The following NKAIN2 variants were observed in gnomAD, a reference collection of about 807,000 sequenced individuals.
NKAIN2 encodes sodium/potassium transporting ATPase interacting 2, also known as sodium/potassium-transporting ATPase subunit beta-1-interacting protein 2.
A neutral mutation model predicts 32.6 loss-of-function variants in NKAIN2; 14 were observed. The ratio of observed to expected loss-of-function variants is 0.43; its 90% confidence interval spans 0.28 to 0.67. The LOEUF is 0.67. Among genes scored for constraint, NKAIN2 ranks in the 30% least tolerant of loss-of-function variants. The pLI is 0.17. For missense variants in NKAIN2, 198 were observed against 258.3 expected, an observed-to-expected ratio of 0.77 and a Z score of 1.60; for synonymous variants, 80 against 87.2, an observed-to-expected ratio of 0.92 and a Z score of 0.46.
chr6:124,713,950 G>C (rs186926387), intron 4 of NKAIN2, among the ~76,000 whole-genome samples: 2 of 152,224 alleles, frequency 1.3e-5, no homozygotes, highest in Admixed American at 1.3e-4. Context: ...AAGTTTATTT[G>C]CTCATCTAGC....
chr6:124,249,046 CAATA>C (rs1346420539), intron 1 of NKAIN2, among the ~76,000 whole-genome samples: 1 of 152,012 alleles, frequency 6.6e-6, no homozygotes, highest in Non-Finnish European at 1.5e-5. Flanking sequence ...TATTAAATCT[CAATA>C]AATAGTGAAG....
intron 4 of NKAIN2, among the ~76,000 whole-genome samples, chr6:124,709,408 G>A (rs1175668690): frequency 4.0e-5 from 6 of 151,346 alleles, no homozygotes; most frequent in Non-Finnish European, 7.4e-5. Context: ...AGTTTCAGAA[G>A]GAATGGTACC....
chr6:124,022,590 T>C (rs1316722194), intron 1 of NKAIN2, among the ~76,000 whole-genome samples: 1 of 152,192 alleles, frequency 6.6e-6, no homozygotes, highest in East Asian at 1.9e-4. Context: ...CCAGACAATT[T>C]TAACCATTTA....
intron 2 of NKAIN2, among the ~76,000 whole-genome samples, chr6:124,293,749 G>C (rs1422118128): frequency 1.3e-5 from 2 of 152,032 alleles, no homozygotes; most frequent in Non-Finnish European, 2.9e-5. Context: ...TACTGGGTTG[G>C]TCTTTTTTCT....
chr6:124,751,623 G>A (rs1369492372), intron 4 of NKAIN2, among the ~76,000 whole-genome samples: 4 of 151,920 alleles, frequency 2.6e-5, no homozygotes, highest in South Asian at 2.1e-4. Flanking sequence ...GAACTAGCCC[G>A]TGGCTGTAGT....
At chr6:124,024,756 A>T (rs988406125) in intron 1 of NKAIN2, among the ~76,000 whole-genome samples, 20 of 152,024 alleles carry the variant, frequency 1.3e-4, no homozygotes, top group African/African-American at 3.4e-4. Context: ...TGGGAGGCGG[A>T]AGTGGGTGGA....
intron 4 of NKAIN2, among the ~76,000 whole-genome samples, chr6:124,724,873 G>A (rs74622660): frequency 0.036 from 5,531 of 152,202 alleles, 135 homozygotes; most frequent in Non-Finnish European, 0.055. Flanking sequence ...CTTGGCCTTA[G>A]TTTTCTTTTT....
rs117051892 is a variant in NKAIN2, at chr6:123,807,847, G to T, written c.54+3593G>T. 2.6e-4 allele frequency among the ~76,000 whole-genome samples: 40 copies of T among 152,222 alleles called. No homozygotes were observed. In the East Asian group the frequency reaches 6.8e-3, roughly 26 times the overall value. On this transcript the variant is annotated intron_variant, in intron 1 of 6. Transcript: ENST00000368417. ...AAAAATGCCACTATTGCCATGGGCT[G>T]TATGAAATATTGTTAACTTGGAGCA...
chr6:124,797,731 T>C (rs1267784526), intron 5 of NKAIN2, among the ~76,000 whole-genome samples: 1 of 152,178 alleles, frequency 6.6e-6, no homozygotes, highest in Non-Finnish European at 1.5e-5. Flanking sequence ...TTTTTATCAT[T>C]TCTCCAGTTT....
At chr6:124,205,236 C>T (rs1230796149) in intron 1 of NKAIN2, among the ~76,000 whole-genome samples, 2 of 151,810 alleles carry the variant, frequency 1.3e-5, no homozygotes, top group East Asian at 1.9e-4. Flanking sequence ...TGAGGAAGGG[C>T]GCAGCATCTC....
intron 2 of NKAIN2, among the ~76,000 whole-genome samples, chr6:124,334,273 A>G (rs1283744286): frequency 6.6e-6 from 1 of 152,238 alleles, no homozygotes; most frequent in Admixed American, 6.5e-5. Context: ...TCAATGTATA[A>G]TATAATGTAT....
chr6:124,658,597 C>A, intron 4 of NKAIN2: 2 of 1,207,112 alleles, frequency 1.7e-6, no homozygotes, highest in Non-Finnish European at 2.3e-6. Context: ...AGTAAATACC[C>A]TTTGTTATCA....
At chr6:124,380,733 A>G (rs765714718) in intron 3 of NKAIN2, among the ~76,000 whole-genome samples, 10 of 152,212 alleles carry the variant, frequency 6.6e-5, no homozygotes, top group Admixed American at 3.9e-4. Context: ...TTGATATTGT[A>G]TAATTAAATA....
intron 1 of NKAIN2, among the ~76,000 whole-genome samples, chr6:124,207,426 G>A (rs1790949135): frequency 6.7e-6 from 1 of 149,544 alleles, no homozygotes; most frequent in African/African-American, 2.5e-5. Flanking sequence ...GTTCCATAGG[G>A]AGAATAAAGT....
At chr6:124,439,572 G>A (rs557921738) in intron 3 of NKAIN2, among the ~76,000 whole-genome samples, 44 of 151,224 alleles carry the variant, frequency 2.9e-4, no homozygotes, top group African/African-American at 1.1e-3. Context: ...TTATTTTAAT[G>A]TCTAGAAAAT....
intron 4 of NKAIN2, among the ~76,000 whole-genome samples, chr6:124,659,589 T>G (rs1279052721): frequency 6.6e-6 from 1 of 152,146 alleles, no homozygotes; most frequent in Non-Finnish European, 1.5e-5. Flanking sequence ...ATAAAAGTCA[T>G]GAAGGTTTCT....
At chr6:124,579,282 G>T (rs1362832275) in intron 3 of NKAIN2, among the ~76,000 whole-genome samples, 3 of 152,206 alleles carry the variant, frequency 2.0e-5, no homozygotes, top group African/African-American at 7.2e-5. Context: ...GCCAATACTG[G>T]AGAGACAGAG....
At chr6:124,709,584 AG>A (rs1775319703) in intron 4 of NKAIN2, among the ~76,000 whole-genome samples, 1 of 149,848 alleles carries the variant, frequency 6.7e-6, no homozygotes. Context: ...GTATGTGTTG[AG>A]GAATTTATCC....
intron 1 of NKAIN2, among the ~76,000 whole-genome samples, chr6:123,933,344 A>G (rs1303207499): frequency 6.6e-6 from 1 of 152,190 alleles, no homozygotes; most frequent in Non-Finnish European, 1.5e-5. Flanking sequence ...TGCAAATAAG[A>G]CCATTTAACT....
Sources: gnomAD v4.1 joint callset for allele counts (sites outside exome capture counted in the v4.1 genomes callset) on GRCh38, gnomAD v4.1.1 for gene constraint, MANE v1.5 for transcripts, NCBI Gene and HGNC (gene_info 2026-07-23, HGNC 2026-07-21) for gene names.